The following ANKRD30B variants were observed in gnomAD, a reference collection of about 807,000 sequenced individuals.
The protein encoded by ANKRD30B is ankyrin repeat domain-containing protein 30B.
A neutral mutation model predicts 202.2 loss-of-function variants in ANKRD30B; 144 were observed. The ratio of observed to expected loss-of-function variants is 0.71; its 90% CI spans 0.62 to 0.82. The LOEUF is 0.82. ANKRD30B is among the 40% of genes least tolerant of loss of function. ANKRD30B has a pLI of 0.00. For synonymous variants in ANKRD30B, 508 were observed against 561.3 expected (o/e 0.91, Z 1.34); for missense variants, 1,487 against 1,669.1 (o/e 0.89, Z 1.90).
At chr18:14,866,938 G>T in the ANKRD30B span, among the ~76,000 whole-genome samples, 2 of 146,598 alleles carry the variant, frequency 1.4e-5, no homozygotes, top group Non-Finnish European at 3.0e-5. Flanking sequence ...TAGCTACCAT[G>T]AGCTACAATG....
chr18:14,806,406 A>G (rs1320878156), intron 24 of ANKRD30B, among the ~76,000 whole-genome samples: 1 of 151,018 alleles, frequency 6.6e-6, no homozygotes, highest in African/African-American at 2.4e-5. Context: ...GCAAGGATGC[A>G]CAGCCATACA....
Position 14,851,737 on chromosome 18 carries a change from G to C in ANKRD30B, c.3793G>C (p.Glu1265Gln). ...TVTKRASQYR[E>Q]QLKVLTAENT... The stretch of plus-strand genomic sequence containing the variant: ...AACAAAAAGGGCATCTCAGTATAGA[G>C]AGCAGCTTAAAGTTCTGACGGCAGA... The change falls in exon 42 of 44, where the codon GAG becomes CAG. Residue 1265 changes from glutamate (E) to glutamine (Q), a missense_variant. By Grantham distance (29) the Glu-to-Gln change is conservative. Coordinates refer to ENST00000690538, the MANE Select transcript of ANKRD30B (RefSeq NM_001367607.2). The C allele has an allele frequency of 1.2e-6, 2 of 1,603,096 alleles. No homozygotes were observed. Among genetic ancestry groups the C allele is most frequent in the Non-Finnish European group, 1.7e-6 (2 of 1,175,388 alleles).
chr18:14,877,461 T>C, the ANKRD30B span: 1 of 151,814 alleles, frequency 6.6e-6, no homozygotes, highest in Non-Finnish European at 1.5e-5. Context: ...GAGTTCCTAC[T>C]TCACAGGGTT....
rs749379227 is a variant in ANKRD30B at position 14,808,580 on chromosome 18, G to A, written c.2313+1G>A. 5.5e-5 allele frequency: 86 copies of A among 1,553,144 alleles called. 2 individuals are homozygous for A. The highest frequency in any genetic ancestry group is 6.8e-5 in the Non-Finnish European group (77 of 1,130,526). On this transcript the variant is annotated splice_donor_variant, in intron 25 of 43. Transcript: ENST00000690538. LOFTEE classifies it high-confidence loss of function. ...TCCTGATAAAGATGGTCTTCTGAAG[G>A]TAATTACTTTTATATTTCTATGTTG... is the stretch of plus-strand genomic sequence containing the variant.
At chr18:14,860,867 G>A in the ANKRD30B span, among the ~76,000 whole-genome samples, 1 of 151,950 alleles carries the variant, frequency 6.6e-6, no homozygotes, top group African/African-American at 2.4e-5. Context: ...ACCACACTTG[G>A]CAAATTTTGG....
chr18:14,928,180 C>T, the ANKRD30B span, among the ~76,000 whole-genome samples: 1 of 152,124 alleles, frequency 6.6e-6, no homozygotes, highest in African/African-American at 2.4e-5. Context: ...GCTGGCCAGG[C>T]TGGTCTCTAA....
At chr18:14,837,361 C>G (rs1268975944) in intron 35 of ANKRD30B, 72 bp downstream of exon 35, 8 of 1,356,476 alleles carry the variant, frequency 5.9e-6, no homozygotes, top group Non-Finnish European at 8.1e-6. Flanking sequence ...GAAAATTTTT[C>G]TATGTTTAAA....
intron 33 of ANKRD30B, among the ~76,000 whole-genome samples, chr18:14,829,322 AG>A (rs1253104999): frequency 6.6e-6 from 1 of 152,210 alleles, no homozygotes; most frequent in Non-Finnish European, 1.5e-5. Context: ...TAAATATAAG[AG>A]GTAGCAGAAG....
At chr18:14,921,081 T>C in the ANKRD30B span, among the ~76,000 whole-genome samples, 1 of 152,168 alleles carries the variant, frequency 6.6e-6, no homozygotes, top group Non-Finnish European at 1.5e-5. Context: ...AGCCCAGTAA[T>C]GAGGAAGTGA....
At chr18:14,825,813 T>C (rs1170588573) in intron 32 of ANKRD30B, among the ~76,000 whole-genome samples, 1 of 152,178 alleles carries the variant, frequency 6.6e-6, no homozygotes, top group African/African-American at 2.4e-5. Flanking sequence ...AATGGAAAGA[T>C]AAAGCAAATG....
chr18:14,853,011 T>G (rs1230584395), intron 42 of ANKRD30B, among the ~76,000 whole-genome samples: 1 of 152,170 alleles, frequency 6.6e-6, no homozygotes, highest in Non-Finnish European at 1.5e-5. Flanking sequence ...TGTTAAAACC[T>G]CTCAATTTTT....
At chr18:14,806,212 A>G (rs1183359306) in intron 24 of ANKRD30B, among the ~76,000 whole-genome samples, 2 of 122,670 alleles carry the variant, frequency 1.6e-5, no homozygotes, top group African/African-American at 6.3e-5. Context: ...AGGGCGAGAC[A>G]CCGCCAAAAA....
the ANKRD30B span, among the ~76,000 whole-genome samples, chr18:14,917,427 CTCT>C: frequency 6.6e-6 from 1 of 152,176 alleles, no homozygotes; most frequent in Non-Finnish European, 1.5e-5. Context: ...ATCTGCGCTT[CTCT>C]TTCTCTGTGT....
downstream of ANKRD30B, among the ~76,000 whole-genome samples, chr18:14,854,880 C>CAT (rs1972033702): frequency 6.7e-6 from 1 of 149,846 alleles, no homozygotes; most frequent in South Asian, 2.2e-4. Context: ...CACACACACA[C>CAT]GCTCTACCCT....
At chr18:14,920,737 T>C in the ANKRD30B span, among the ~76,000 whole-genome samples, 601 of 152,344 alleles carry the variant, frequency 3.9e-3, 8 homozygotes, top group African/African-American at 0.013. Flanking sequence ...ACTTGTCCTC[T>C]TCAGGTGGTT....
the ANKRD30B span, among the ~76,000 whole-genome samples, chr18:14,907,695 A>G: frequency 6.6e-6 from 1 of 152,132 alleles, no homozygotes; most frequent in Non-Finnish European, 1.5e-5. Context: ...AGCTGTTTGG[A>G]CAGAGAAGAC....
At chr18:14,810,354 G>C (rs1969843514) in intron 28 of ANKRD30B, among the ~76,000 whole-genome samples, 174 bp downstream of exon 28, 1 of 151,270 alleles carries the variant, frequency 6.6e-6, no homozygotes, top group African/African-American at 2.4e-5. Flanking sequence ...AGAAGCATAA[G>C]AATTAGGGAT....
chr18:14,779,947 T>C lies in ANKRD30B; in HGVS notation c.1421-13T>C, dbSNP rs748498136. 1.9e-5 allele frequency: 30 copies of C among 1,569,876 alleles called. No homozygotes were observed. Among genetic ancestry groups the C allele is most frequent in the Non-Finnish European group, 2.4e-5 (28 of 1,143,840 alleles). Reference sequence around the variant, plus strand: ...AATGCTCTCATGAATGTATCTGTGATTAACATTTTTAGATCAGATGTTCCC... The same window carrying C: ...AATGCTCTCATGAATGTATCTGTGACTAACATTTTTAGATCAGATGTTCCC... On this transcript the variant is annotated splice_polypyrimidine_tract_variant and intron_variant, in intron 10 of 43. Transcript: ENST00000690538.
At chr18:14,822,451 A>G (rs751412355) in intron 30 of ANKRD30B, 32 bp from the exon 31 acceptor site, 44 of 1,162,172 alleles carry the variant, frequency 3.8e-5, no homozygotes, top group Non-Finnish European at 5.4e-5. Context: ...AGGCTTGCGT[A>G]TAATCAATTA....
Sources: allele counts gnomAD v4.1 joint callset (sites outside exome capture counted in the v4.1 genomes callset), GRCh38; gene constraint gnomAD v4.1.1; transcripts MANE v1.5; gene names NCBI Gene and HGNC (gene_info 2026-07-23, HGNC 2026-07-21).